The following LRP1B variants were observed in gnomAD, a reference collection of about 807,000 sequenced individuals.
LRP1B encodes LDL receptor related protein 1B.
LRP1B carries 217 observed loss-of-function variants against 556.6 expected under a neutral mutation model. That is an observed-to-expected ratio of 0.39 (90% CI 0.35 to 0.44). LRP1B has a LOEUF of 0.44. Ranked by LOEUF, LRP1B falls within the 20% of genes least tolerant of loss-of-function variation. LRP1B has a pLI of 1.00. For missense variants in LRP1B, 5,053 were observed against 5,620.8 expected, an observed-to-expected ratio of 0.90 and a Z score of 3.23; for synonymous variants, 2,047 against 1,865.8, an observed-to-expected ratio of 1.10 and a Z score of -2.50.
chr2:141,811,429 G>A (rs1301040617), intron 1 of LRP1B, among the ~76,000 whole-genome samples: 2 of 151,786 alleles, frequency 1.3e-5, no homozygotes, highest in Non-Finnish European at 2.9e-5. Context: ...TGACAGTTTT[G>A]CCCGAGCAAT....
In LRP1B at chr2:141,810,408, AT is replaced by A; in HGVS notation, c.83-8del. 5 of 1,612,346 alleles carry A rather than the reference AT, an allele frequency of 3.1e-6. No homozygotes were observed. Among genetic ancestry groups the A allele is most frequent in the Non-Finnish European group, 4.2e-6 (5 of 1,178,942 alleles). ...GGATCACACAACTGCTGATCTGAAA[AT>A]GAAAATGTTTCGAAATAAAATATGA... On this transcript the variant is annotated splice_polypyrimidine_tract_variant and splice_region_variant and intron_variant, in intron 1 of 90. Coordinates refer to ENST00000389484, the MANE Select transcript of LRP1B (RefSeq NM_018557.3).
At chr2:141,601,048 G>T (rs182309749) in intron 2 of LRP1B, among the ~76,000 whole-genome samples, 2 of 152,206 alleles carry the variant, frequency 1.3e-5, no homozygotes, top group East Asian at 3.9e-4. Flanking sequence ...TTAAATATGA[G>T]CTCTGTAATT....
At chr2:140,312,845 G>T (rs1395195098) in intron 83 of LRP1B, among the ~76,000 whole-genome samples, 3 of 151,796 alleles carry the variant, frequency 2.0e-5, no homozygotes, top group African/African-American at 7.2e-5. Flanking sequence ...TTTTAATTAT[G>T]CCTCAACGAT....
intron 2 of LRP1B, among the ~76,000 whole-genome samples, chr2:141,513,016 T>A (rs1477045541): frequency 6.6e-6 from 1 of 152,088 alleles, no homozygotes; most frequent in Non-Finnish European, 1.5e-5. Context: ...TAACATAAAT[T>A]TTATTCCTAT....
intron 43 of LRP1B, among the ~76,000 whole-genome samples, chr2:140,573,757 T>C (rs1041568960): frequency 5.3e-5 from 8 of 152,024 alleles, no homozygotes; most frequent in Admixed American, 2.0e-4. Flanking sequence ...AAGGCCCTCT[T>C]AATATCTGGT....
intron 35 of LRP1B, among the ~76,000 whole-genome samples, chr2:140,733,136 C>T (rs1045031878): frequency 6.6e-6 from 1 of 152,046 alleles, no homozygotes; most frequent in African/African-American, 2.4e-5. Flanking sequence ...AAAGGAAACT[C>T]AAAAGGAATC....
intron 1 of LRP1B, among the ~76,000 whole-genome samples, chr2:141,973,439 A>G (rs969648541): frequency 6.6e-6 from 1 of 151,816 alleles, no homozygotes. Flanking sequence ...ATGTATGTGT[A>G]AAACAAAAGT....
chr2:140,250,637 C>T (rs943859461), intron 86 of LRP1B, among the ~76,000 whole-genome samples: 3 of 151,236 alleles, frequency 2.0e-5, no homozygotes, highest in African/African-American at 7.3e-5. Context: ...TTATGGTATT[C>T]CCTTTATGTT....
intron 1 of LRP1B, among the ~76,000 whole-genome samples, chr2:142,095,787 T>C (rs140035401): frequency 1.1e-3 from 163 of 151,916 alleles, no homozygotes; most frequent in Admixed American, 3.7e-3. Flanking sequence ...CCATGTATAA[T>C]GTGATTATTT....
At chr2:140,484,997 A>G (rs111781058) in intron 59 of LRP1B, among the ~76,000 whole-genome samples, 8 of 152,276 alleles carry the variant, frequency 5.3e-5, no homozygotes, top group African/African-American at 1.7e-4. Context: ...CCACTGCAAA[A>G]CATCATCTAA....
At chr2:141,550,799 T>A (rs1024851893) in intron 2 of LRP1B, among the ~76,000 whole-genome samples, 1 of 152,146 alleles carries the variant, frequency 6.6e-6, no homozygotes, top group African/African-American at 2.4e-5. Flanking sequence ...TGTTTTCCTG[T>A]ATTCATCCAT....
intron 32 of LRP1B, among the ~76,000 whole-genome samples, chr2:140,779,755 AGTGTGTGTGT>A (rs70988440): frequency 4.4e-5 from 6 of 135,308 alleles, no homozygotes; most frequent in Admixed American, 7.6e-5. Flanking sequence ...TCTGTGAGAG[AGTGTGTGTGT>A]GTGTGTGTGT....
intron 84 of LRP1B, among the ~76,000 whole-genome samples, chr2:140,291,318 A>ATAT (rs369391920): frequency 8.2e-5 from 9 of 109,334 alleles, no homozygotes; most frequent in Admixed American, 2.1e-4. Flanking sequence ...ATATATATAT[A>ATAT]TTTTTATTAT....
chr2:140,778,897 CTAAT>C (rs1218211083), intron 32 of LRP1B, among the ~76,000 whole-genome samples: 1 of 151,500 alleles, frequency 6.6e-6, no homozygotes, highest in Non-Finnish European at 1.5e-5. Flanking sequence ...TGCCACTGTC[CTAAT>C]TGTTTTAAGA....
At chr2:141,534,970 T>A (rs1439387940) in intron 2 of LRP1B, among the ~76,000 whole-genome samples, 1 of 152,168 alleles carries the variant, frequency 6.6e-6, no homozygotes, top group Admixed American at 6.6e-5. Context: ...TTCTTTTTGT[T>A]TCTAAAATTG....
chr2:140,588,238 T>C (rs1285050465), intron 43 of LRP1B, among the ~76,000 whole-genome samples: 1 of 152,118 alleles, frequency 6.6e-6, no homozygotes, highest in East Asian at 1.9e-4. Flanking sequence ...GCAAAAAAAA[T>C]CTAACACTGT....
chr2:140,629,990 C>A (rs982124896), intron 41 of LRP1B, among the ~76,000 whole-genome samples: 1 of 152,134 alleles, frequency 6.6e-6, no homozygotes, highest in East Asian at 1.9e-4. Context: ...ATAGCAAATG[C>A]GAGAAGCAAG....
intron 2 of LRP1B, among the ~76,000 whole-genome samples, chr2:141,674,861 A>G (rs1212389450): frequency 6.6e-6 from 1 of 152,008 alleles, no homozygotes; most frequent in Non-Finnish European, 1.5e-5. Flanking sequence ...ACATTTTGAC[A>G]GATACTAGAA....
chr2:140,269,012 T>TAGAAAATATTAACATTTG (rs1300088809), intron 86 of LRP1B, among the ~76,000 whole-genome samples: 4 of 152,052 alleles, frequency 2.6e-5, no homozygotes, highest in Non-Finnish European at 5.9e-5. Flanking sequence ...GCTACTATTT[T>TAGAAAATATTAACATTTG]CTAGCAAATG....
Sources: allele counts gnomAD v4.1 joint callset (sites outside exome capture counted in the v4.1 genomes callset), GRCh38; gene constraint gnomAD v4.1.1; transcripts MANE v1.5; gene names NCBI Gene and HGNC (gene_info 2026-07-23, HGNC 2026-07-21).